The following CCDC38 variants were observed in gnomAD, a reference collection of about 807,000 sequenced individuals.
The protein encoded by CCDC38 is coiled-coil domain containing 38.
A neutral mutation model predicts 72.8 loss-of-function variants in CCDC38; 69 were observed. The observed-to-expected ratio is 0.95, with a 90% CI of 0.78 to 1.16. The LOEUF (loss-of-function observed/expected upper bound fraction) is 1.16. Among genes scored for constraint, CCDC38 ranks in the 50% most tolerant of loss-of-function variants. The pLI, the probability that CCDC38 is intolerant of heterozygous loss-of-function variation, is 0.00. For missense variants in CCDC38, 626 were observed against 638.9 expected (o/e 0.98, Z 0.22); for synonymous variants, 201 against 213.2 (o/e 0.94, Z 0.50).
chr12:95,891,481 G>A (rs1404319617), intron 8 of CCDC38, among the ~76,000 whole-genome samples: 2 of 152,058 alleles, frequency 1.3e-5, no homozygotes, highest in Admixed American at 1.3e-4. Flanking sequence ...GAGTAGCTGG[G>A]ACTACAGGTG....
At chr12:95,939,423 C>A (rs575178185) in intron 1 of CCDC38, among the ~76,000 whole-genome samples, 2 of 152,142 alleles carry the variant, frequency 1.3e-5, no homozygotes, top group Non-Finnish European at 2.9e-5. Context: ...AAGGGTCACA[C>A]AGGGAGATCT....
intron 10 of CCDC38, among the ~76,000 whole-genome samples, chr12:95,884,613 A>G (rs374438903): frequency 3.3e-5 from 5 of 152,376 alleles, no homozygotes; most frequent in Admixed American, 1.3e-4. Context: ...GTCAGAAATC[A>G]AGGTGTCAAC....
chr12:95,869,509 C>G lies in CCDC38; in HGVS notation c.1549G>C (p.Glu517Gln). The G allele has an allele frequency of 6.2e-7, 1 of 1,613,460 alleles. No individual in the cohort carries two copies. The highest frequency in any genetic ancestry group is 8.5e-7 in the Non-Finnish European group (1 of 1,179,806). Reference sequence around the variant, plus strand: ...TTCTTTGGTTGTGCTACTGCTTTTTCCAGAGCAGCTTTTAGCCTTTCCTGT... The same window carrying G: ...TTCTTTGGTTGTGCTACTGCTTTTTGCAGAGCAGCTTTTAGCCTTTCCTGT... ...HQQERLKAAL[E>Q]KAVAQPKKKL... is the part of the protein sequence containing the mutation. Residue 517 changes from glutamate (E) to glutamine (Q), a missense_variant, in exon 15 of 16, where the codon GAA becomes CAA. By Grantham distance (29) the Glu-to-Gln change is conservative. Coordinates refer to ENST00000344280, the MANE Select transcript of CCDC38 (RefSeq NM_182496.3).
chr12:95,903,315 G>C, intron 5 of CCDC38: 1 of 610,908 alleles, frequency 1.6e-6, no homozygotes, highest in East Asian at 2.8e-5. Flanking sequence ...TCTGCAGAGA[G>C]GATCGTGTTG....
At chr12:95,941,475 C>T (rs1003444757) in intron 1 of CCDC38, among the ~76,000 whole-genome samples, 14 of 152,084 alleles carry the variant, frequency 9.2e-5, no homozygotes, top group African/African-American at 3.1e-4. Flanking sequence ...AACGAGGCTT[C>T]GAGAAATTAC....
intron 7 of CCDC38, among the ~76,000 whole-genome samples, chr12:95,896,055 C>CA (rs1169899419): frequency 0.067 from 4,871 of 72,624 alleles, 124 homozygotes; most frequent in East Asian, 0.14. Context: ...GACTCTGTCT[C>CA]AAAAAAAAAA....
intron 2 of CCDC38, among the ~76,000 whole-genome samples, chr12:95,924,345 T>C (rs1163935383): frequency 6.8e-6 from 1 of 147,786 alleles, no homozygotes; most frequent in Non-Finnish European, 1.5e-5. Context: ...TGTCTTCTTT[T>C]GAGAAGTGTC....
At chr12:95,902,454 A>G (rs1375341136) in intron 5 of CCDC38, among the ~76,000 whole-genome samples, 2 of 152,236 alleles carry the variant, frequency 1.3e-5, no homozygotes, top group African/African-American at 4.8e-5. Flanking sequence ...CTAGAATTTT[A>G]TCTAGTGAAA....
intron 2 of CCDC38, among the ~76,000 whole-genome samples, chr12:95,921,515 A>C (rs1468365962): frequency 2.0e-5 from 3 of 152,136 alleles, no homozygotes; most frequent in Non-Finnish European, 2.9e-5. Flanking sequence ...TGAAGGAGGA[A>C]CTTCCAAACA....
At chr12:95,870,326 A>G (rs888187805) in intron 14 of CCDC38, among the ~76,000 whole-genome samples, 4 of 152,172 alleles carry the variant, frequency 2.6e-5, no homozygotes, top group African/African-American at 9.7e-5. Context: ...GTTTTGAGGG[A>G]AAAATTAAGT....
chr12:95,932,285 G>T (rs932183954), intron 2 of CCDC38, among the ~76,000 whole-genome samples: 1 of 152,146 alleles, frequency 6.6e-6, no homozygotes, highest in Non-Finnish European at 1.5e-5. Flanking sequence ...TGGGTTCTGA[G>T]TACATTCTGA....
At chr12:95,893,962 G>A (rs905391883) in intron 8 of CCDC38, among the ~76,000 whole-genome samples, 5 of 152,056 alleles carry the variant, frequency 3.3e-5, no homozygotes, top group African/African-American at 1.2e-4. Context: ...AGGTTAATTT[G>A]TTAGGTTAAT....
intron 3 of CCDC38, 72 bp from the exon 4 acceptor site, chr12:95,917,366 T>A (rs2080157004): frequency 8.1e-7 from 1 of 1,236,870 alleles, no homozygotes; most frequent in African/African-American, 1.6e-5. Context: ...AGTGATTATA[T>A]ATAAAAATAA....
chr12:95,924,582 G>A (rs2080247673), intron 2 of CCDC38, among the ~76,000 whole-genome samples: 1 of 150,754 alleles, frequency 6.6e-6, no homozygotes. Flanking sequence ...GGTTGCCATT[G>A]CTTTTGGTGT....
intron 2 of CCDC38, among the ~76,000 whole-genome samples, chr12:95,931,964 T>A (rs1475913550): frequency 6.6e-6 from 1 of 152,052 alleles, no homozygotes; most frequent in Non-Finnish European, 1.5e-5. Context: ...GGCAGGATCA[T>A]CTCTTGTGTG....
intron 4 of CCDC38, among the ~76,000 whole-genome samples, chr12:95,909,440 A>C (rs2080066684): frequency 6.6e-6 from 1 of 152,208 alleles, no homozygotes; most frequent in South Asian, 2.1e-4. Context: ...GCCCTGGACC[A>C]GATGGATTCA....
At chr12:95,906,481 T>A in intron 4 of CCDC38, 30 bp from the exon 5 acceptor site, 1 of 1,482,734 alleles carries the variant, frequency 6.7e-7, no homozygotes, top group Non-Finnish European at 9.4e-7. Context: ...AGACTTAAGT[T>A]TAGTTCATCA....
intron 8 of CCDC38, among the ~76,000 whole-genome samples, 175 bp downstream of exon 8, chr12:95,894,814 T>A (rs1460896024): frequency 6.6e-6 from 1 of 152,158 alleles, no homozygotes; most frequent in Non-Finnish European, 1.5e-5. Flanking sequence ...GCAAAGACAC[T>A]TTATATCTGA....
At chr12:95,894,029 G>A (rs1193141853) in intron 8 of CCDC38, among the ~76,000 whole-genome samples, 1 of 152,112 alleles carries the variant, frequency 6.6e-6, no homozygotes, top group Non-Finnish European at 1.5e-5. Flanking sequence ...GACCATCCTG[G>A]CCAACATGGT....
Sources: gnomAD v4.1 joint callset for allele counts (sites outside exome capture counted in the v4.1 genomes callset) on GRCh38, gnomAD v4.1.1 for gene constraint, MANE v1.5 for transcripts, NCBI Gene and HGNC (gene_info 2026-07-23, HGNC 2026-07-21) for gene names.